CYP4X1: variants seen among roughly 807,000 people sequenced by gnomAD.
CYP4X1 encodes the protein cytochrome P450 4X1.
A neutral mutation model predicts 57.9 loss-of-function variants in CYP4X1; 44 were observed. That is an observed-to-expected ratio of 0.76 (90% CI 0.60 to 0.98). The LOEUF (loss-of-function observed/expected upper bound fraction) is 0.98, where lower values mean the gene tolerates loss of function less well. Among genes scored for constraint, CYP4X1 ranks in the 50% least tolerant of loss-of-function variants. The probability of loss-of-function intolerance (pLI) is 0.00; values close to 1 mark genes in which losing one functional copy is unlikely to be tolerated. For synonymous variants in CYP4X1, 227 were observed against 228.6 expected (o/e 0.99, Z 0.06); for missense variants, 532 against 623.9 (o/e 0.85, Z 1.57).
At chr1:47,031,571 C>A in intron 3 of CYP4X1, 91 bp downstream of exon 3, 1 of 1,435,460 alleles carries the variant, frequency 7.0e-7, no homozygotes, top group Non-Finnish European at 9.7e-7. Flanking sequence ...AATCTGAATT[C>A]AAAAGCACAA....
chr1:46,979,418 T>C, the CYP4X1 span, among the ~76,000 whole-genome samples: 1 of 152,122 alleles, frequency 6.6e-6, no homozygotes, highest in Non-Finnish European at 1.5e-5. Flanking sequence ...CTCCCACGAC[T>C]AAACCAGAAA....
chr1:46,975,150 G>A, the CYP4X1 span, among the ~76,000 whole-genome samples: 3 of 152,080 alleles, frequency 2.0e-5, no homozygotes, highest in Non-Finnish European at 4.4e-5. Flanking sequence ...TCACTTTTAA[G>A]TGGGGTATTT....
chr1:47,014,806 A>C, the CYP4X1 span, among the ~76,000 whole-genome samples: 10 of 152,180 alleles, frequency 6.6e-5, no homozygotes, highest in Admixed American at 5.9e-4. Flanking sequence ...GTGGAGAAGT[A>C]TGAGCCTTCA....
downstream of CYP4X1, among the ~76,000 whole-genome samples, chr1:47,053,722 A>T (rs1644373796): frequency 6.6e-6 from 1 of 152,188 alleles, no homozygotes; most frequent in South Asian, 2.1e-4. Context: ...TCCTCTTTTG[A>T]GAAGTCTCTG....
chr1:46,975,369 A>G, the CYP4X1 span, among the ~76,000 whole-genome samples: 2 of 152,140 alleles, frequency 1.3e-5, no homozygotes, highest in South Asian at 4.1e-4. Flanking sequence ...GTGGTAATGA[A>G]TTCCCTAAGT....
chr1:47,023,888 T>C lies in CYP4X1; in HGVS notation c.71T>C (p.Leu24Pro). The C allele has an allele frequency of 6.2e-7, 1 of 1,613,700 alleles. No homozygotes were observed. The highest frequency in any genetic ancestry group is 8.5e-7 in the Non-Finnish European group (1 of 1,179,974). Residue 24 changes from leucine (L) to proline (P), a missense_variant, in exon 1 of 12, where the codon CTG becomes CCG. Transcript: ENST00000371901. The part of the protein sequence containing the change: ...FYLAFVFCLA[L>P]GLLQAIKLYL... The stretch of plus-strand genomic sequence containing the variant: ...CTGGCGTTCGTGTTCTGCCTGGCCC[T>C]GGGGCTGCTGCAGGCCATTAAGCTG...
chr1:47,022,269 C>T (rs2148501789), upstream of CYP4X1, among the ~76,000 whole-genome samples: 1 of 150,706 alleles, frequency 6.6e-6, no homozygotes, highest in African/African-American at 2.4e-5. Flanking sequence ...GAAGTCACCA[C>T]CCCTGGGGCC....
the CYP4X1 span, among the ~76,000 whole-genome samples, chr1:47,004,599 CT>C: frequency 5.6e-3 from 835 of 149,396 alleles, 7 homozygotes; most frequent in African/African-American, 0.019. Context: ...GTCTTTTTGC[CT>C]TTTTTTTTTA....
At chr1:46,995,398 C>A in the CYP4X1 span, among the ~76,000 whole-genome samples, 2 of 151,938 alleles carry the variant, frequency 1.3e-5, no homozygotes, top group South Asian at 4.2e-4. Context: ...AGAATGAGGT[C>A]TTGAAGAGTA....
the CYP4X1 span, among the ~76,000 whole-genome samples, chr1:46,965,026 G>C: frequency 2.0e-5 from 3 of 152,206 alleles, no homozygotes; most frequent in African/African-American, 7.2e-5. Context: ...TTGGGTGTAG[G>C]ACCCTCCAAG....
At chr1:46,961,989 C>T in the CYP4X1 span, among the ~76,000 whole-genome samples, 1 of 152,208 alleles carries the variant, frequency 6.6e-6, no homozygotes, top group African/African-American at 2.4e-5. Flanking sequence ...GTCTTCTACC[C>T]TGGATAGGCA....
intron 6 of CYP4X1, among the ~76,000 whole-genome samples, chr1:47,038,135 T>G (rs1298538624): frequency 6.6e-6 from 1 of 152,176 alleles, no homozygotes; most frequent in African/African-American, 2.4e-5. Context: ...GCAGAAAAAT[T>G]CAGCAGAAAG....
At chr1:46,986,572 C>T in the CYP4X1 span, among the ~76,000 whole-genome samples, 5 of 152,102 alleles carry the variant, frequency 3.3e-5, no homozygotes, top group African/African-American at 1.2e-4. Context: ...ACCCCCAAGA[C>T]ATATAATTGT....
the CYP4X1 span, among the ~76,000 whole-genome samples, chr1:47,014,770 T>A: frequency 6.6e-6 from 1 of 152,064 alleles, no homozygotes; most frequent in Non-Finnish European, 1.5e-5. Flanking sequence ...GGTTCTCACA[T>A]CTCCACCAAA....
At chr1:47,037,450 G>C (rs1406413853) in intron 6 of CYP4X1, among the ~76,000 whole-genome samples, 1 of 151,566 alleles carries the variant, frequency 6.6e-6, no homozygotes, top group Non-Finnish European at 1.5e-5. Flanking sequence ...TTTTTAAATT[G>C]TTTATTTTTA....
At chr1:47,012,682 C>T in the CYP4X1 span, among the ~76,000 whole-genome samples, 2 of 152,146 alleles carry the variant, frequency 1.3e-5, no homozygotes, top group African/African-American at 4.8e-5. Flanking sequence ...CCCACTGATC[C>T]AGGGACCAAG....
At chr1:46,969,444 A>G in the CYP4X1 span, among the ~76,000 whole-genome samples, 2 of 152,204 alleles carry the variant, frequency 1.3e-5, no homozygotes, top group Admixed American at 1.3e-4. Context: ...TTGGCAGCCA[A>G]TATTTTGGAG....
the CYP4X1 span, among the ~76,000 whole-genome samples, chr1:46,981,709 G>A: frequency 6.6e-6 from 1 of 152,130 alleles, no homozygotes; most frequent in Non-Finnish European, 1.5e-5. Flanking sequence ...ACTATTCACA[G>A]TAGCAAAGAC....
At chr1:47,017,923 G>A in the CYP4X1 span, among the ~76,000 whole-genome samples, 1 of 152,202 alleles carries the variant, frequency 6.6e-6, no homozygotes, top group East Asian at 1.9e-4. Context: ...CTGTGTCATG[G>A]GTGCGCATCC....
Sources: gnomAD v4.1 joint callset for allele counts (sites outside exome capture counted in the v4.1 genomes callset) on GRCh38, gnomAD v4.1.1 for gene constraint, MANE v1.5 for transcripts, NCBI Gene and HGNC (gene_info 2026-07-23, HGNC 2026-07-21) for gene names.